FAM131B: variants seen among roughly 807,000 people sequenced by gnomAD.
FAM131B encodes the protein protein FAM131B.
In FAM131B, 19 loss-of-function variants were observed where a neutral mutation model predicts 42.0. The observed-to-expected ratio is 0.45, with a 90% CI of 0.32 to 0.66. The LOEUF is 0.66. Ranked by LOEUF, FAM131B falls within the 30% of genes least tolerant of loss-of-function variation. The probability of loss-of-function intolerance (pLI) is 0.05; values close to 1 mark genes in which losing one functional copy is unlikely to be tolerated. For missense variants in FAM131B, 370 were observed against 468.4 expected (o/e 0.79, Z 1.94); for synonymous variants, 183 against 177.6 (o/e 1.03, Z -0.24).
chr7:143,357,211 G>A (rs776432151), intron 6 of FAM131B, 69 bp downstream of exon 6: 4 of 1,507,098 alleles, frequency 2.7e-6, no homozygotes, highest in African/African-American at 1.4e-5. Flanking sequence ...ACGGAGCTGA[G>A]TGGAGGCAGC....
chr7:143,366,919 A>T (rs1804193517), upstream of FAM131B, among the ~76,000 whole-genome samples: 1 of 152,184 alleles, frequency 6.6e-6, no homozygotes, highest in South Asian at 2.1e-4. Context: ...AGGAGGACCA[A>T]GAGTGGGGTT....
upstream of FAM131B, among the ~76,000 whole-genome samples, chr7:143,364,639 A>G (rs185144201): frequency 2.6e-4 from 39 of 152,262 alleles, no homozygotes; most frequent in Non-Finnish European, 4.6e-4. Flanking sequence ...TCTGTCTTGA[A>G]GGTATTTCCA....
At chr7:143,381,027 G>A in the FAM131B span, 12 of 273,354 alleles carry the variant, frequency 4.4e-5, no homozygotes, top group African/African-American at 2.5e-4. Flanking sequence ...GGGCGGGGAG[G>A]GGGAGGCAGG....
At chr7:143,372,910 A>G in the FAM131B span, among the ~76,000 whole-genome samples, 1 of 151,972 alleles carries the variant, frequency 6.6e-6, no homozygotes, top group Non-Finnish European at 1.5e-5. Context: ...AGTTGAGCCG[A>G]CATTGTGCCA....
chr7:143,373,712 G>A, the FAM131B span, among the ~76,000 whole-genome samples: 2 of 152,160 alleles, frequency 1.3e-5, no homozygotes, highest in East Asian at 1.9e-4. Context: ...TTCAGGAGTT[G>A]AGCCAGGGAC....
At position 143,362,583 on chromosome 7, in the gene FAM131B, C is replaced by G. The variant is rs913474963; in HGVS notation, c.21G>C (p.Arg7=). 3.3e-5 allele frequency: 40 copies of G among 1,222,606 alleles called. No homozygotes were observed. In the African/African-American group the frequency reaches 6.0e-4, roughly 18 times the overall value. The allele number at this position is 1,222,606 out of a possible 1,614,324, so 75.7% of individuals were successfully genotyped here. A position where few individuals can be genotyped will look rare whatever the true frequency, so the allele number is the denominator to read the frequency against. ...CCCGGCCGCGGTACCCACCCACAGT[C>G]CGGGAGCCGATGCAGCCCATGGCTC... MGCIGS[R]TVGNEVIAVD... The change falls in exon 1 of 7, where the codon CGG becomes CGC. Residue 7 remains arginine (R), a synonymous_variant. Coordinates refer to ENST00000443739, the MANE Select transcript of FAM131B (RefSeq NM_001031690.3). This position sits in a 1 kb window ranked among gnomAD's most constrained non-coding sequence, Gnocchi z 7.7.
chr7:143,379,683 TATAGCGC>T, the FAM131B span: 2 of 152,184 alleles, frequency 1.3e-5, no homozygotes, highest in Non-Finnish European at 1.5e-5. Flanking sequence ...TACTGAGTCA[TATAGCGC>T]ATACAGCTAT....
Position 143,358,142 on chromosome 7 carries a change from C to A in FAM131B, c.466+685G>T, listed in dbSNP as rs142199150. On this transcript the variant is annotated intron_variant, in intron 5 of 6. Coordinates refer to ENST00000443739, the MANE Select transcript of FAM131B (RefSeq NM_001031690.3). The surrounding 1 kb of genome is among the most constrained non-coding windows in gnomAD (Gnocchi z 4.7). ...TCCCTATTCTAGTCAAATCCATGAG[C>A]GTGTTGAAGCTGGTACTGCTCCTGC... is the stretch of plus-strand genomic sequence containing the variant. Among the ~76,000 whole-genome samples the A allele has an allele frequency of 6.6e-6, 1 of 152,094 alleles. No homozygotes were observed. Among genetic ancestry groups the A allele is most frequent in the Admixed American group, 6.5e-5 (1 of 15,270 alleles).
the FAM131B span, among the ~76,000 whole-genome samples, chr7:143,377,100 G>A: frequency 1.4e-4 from 21 of 152,078 alleles, no homozygotes; most frequent in Non-Finnish European, 2.9e-4. Context: ...TGGGATTACA[G>A]GCGCACACCA....
chr7:143,382,098 C>T, the FAM131B span: 1 of 684,568 alleles, frequency 1.5e-6, no homozygotes, highest in Non-Finnish European at 2.4e-6. Flanking sequence ...CCTGGTACTC[C>T]CAGGGCGCCC....
the FAM131B span, among the ~76,000 whole-genome samples, chr7:143,369,855 T>C: frequency 6.6e-6 from 1 of 152,258 alleles, no homozygotes; most frequent in South Asian, 2.1e-4. Flanking sequence ...TAAGGTTTTG[T>C]GATGGTGATA....
upstream of FAM131B, chr7:143,364,198 A>C (rs1334673031): frequency 6.6e-6 from 1 of 151,944 alleles, no homozygotes; most frequent in African/African-American, 2.4e-5. Context: ...CATATCTACT[A>C]TTATTGGTTA....
At chr7:143,367,881 T>A in the FAM131B span, among the ~76,000 whole-genome samples, 1 of 152,160 alleles carries the variant, frequency 6.6e-6, no homozygotes, top group African/African-American at 2.4e-5. Context: ...GACAACTGCT[T>A]CTTTGGTGAC....
the FAM131B span, among the ~76,000 whole-genome samples, chr7:143,369,567 C>T: frequency 1.3e-5 from 2 of 150,454 alleles, no homozygotes; most frequent in Non-Finnish European, 2.9e-5. Flanking sequence ...CCTAGCTACT[C>T]GGGAGGCTGA....
At chr7:143,382,243 C>A in the FAM131B span, 6 of 1,611,916 alleles carry the variant, frequency 3.7e-6, no homozygotes, top group Non-Finnish European at 4.2e-6. Context: ...TCCTTCCTAC[C>A]CCAGACTTTC....
chr7:143,357,202 C>T (rs967768663), intron 6 of FAM131B, 78 bp downstream of exon 6: 73 of 1,464,244 alleles, frequency 5.0e-5, no homozygotes, highest in Admixed American at 3.7e-4. Context: ...CTTAAAAGAA[C>T]GGAGCTGAGT....
At position 143,359,731 on chromosome 7, in the gene FAM131B, C is replaced by T. The variant is rs1346007152; in HGVS notation, c.174+1G>A. 5 of 1,569,974 alleles carry T rather than the reference C, an allele frequency of 3.2e-6. No individual in the cohort carries two copies. Among genetic ancestry groups the T allele is most frequent in the South Asian group, 1.2e-5 (1 of 85,226 alleles). ...GGAGGTCTGGGGGCAGCTGCACTCACGTTGATGCCGTCCCAGGAGAAATCA... is the reference window on the plus strand; with the variant it reads ...GGAGGTCTGGGGGCAGCTGCACTCATGTTGATGCCGTCCCAGGAGAAATCA... On this transcript the variant is annotated splice_donor_variant, in intron 3 of 6. Transcript: ENST00000443739. LOFTEE classifies it high-confidence loss of function. The surrounding 1 kb of genome is among the most constrained non-coding windows in gnomAD (Gnocchi z 5.4).
the FAM131B span, among the ~76,000 whole-genome samples, chr7:143,376,504 G>A: frequency 3.9e-5 from 6 of 152,218 alleles, no homozygotes; most frequent in South Asian, 8.3e-4. Flanking sequence ...AGAAGGAAAC[G>A]TGGGCATTTG....
the FAM131B span, among the ~76,000 whole-genome samples, chr7:143,373,178 T>G: frequency 2.0e-5 from 3 of 151,568 alleles, no homozygotes; most frequent in Non-Finnish European, 4.4e-5. Flanking sequence ...AGGTCAGGAG[T>G]GCCAGACCAG....
Sources: allele counts gnomAD v4.1 joint callset (sites outside exome capture counted in the v4.1 genomes callset), GRCh38; gene constraint gnomAD v4.1.1; non-coding constraint Gnocchi (gnomAD v3.1); transcripts MANE v1.5; gene names NCBI Gene and HGNC (gene_info 2026-07-23, HGNC 2026-07-21).